Variants in NTSR1 observed in about 807,000 individuals in gnomAD.
NTSR1 encodes the protein neurotensin receptor 1.
NTSR1 carries 29 observed loss-of-function variants against 31.2 expected under a neutral mutation model. That is an observed-to-expected ratio of 0.93 (90% CI 0.69 to 1.27). The LOEUF is 1.27. Ranked by LOEUF, NTSR1 falls within the 50% of genes most tolerant of loss-of-function variation. NTSR1 has a pLI of 0.00. For missense variants in NTSR1, 697 were observed against 595.4 expected (o/e 1.17, Z -1.78); for synonymous variants, 282 against 269.9 (o/e 1.04, Z -0.44).
chr20:62,745,348 A>G lies in NTSR1; in HGVS notation c.715-9337A>G, dbSNP rs983552980. Among the ~76,000 whole-genome samples the G allele has an allele frequency of 1.3e-5, 2 of 152,044 alleles. No homozygotes were observed. The highest frequency in any genetic ancestry group is 2.9e-5 in the Non-Finnish European group (2 of 67,976). ...ACAGAGACAGAGATACAGAGACACA[A>G]GAAAACAGAGACAGAGATAGAGACA... On this transcript the variant is annotated intron_variant, in intron 1 of 3. Transcript: ENST00000370501. The surrounding 1 kb of genome is among the most constrained non-coding windows in gnomAD (Gnocchi z 4.1).
rs755405853 is a variant in NTSR1, at chr20:62,745,388, T to C, written c.715-9297T>C. Among the ~76,000 whole-genome samples the C allele has an allele frequency of 1.4e-5, 2 of 145,176 alleles. No homozygotes were observed. The highest frequency in any genetic ancestry group is 3.0e-5 in the Non-Finnish European group (2 of 66,342). On this transcript the variant is annotated intron_variant, in intron 1 of 3. Coordinates refer to ENST00000370501, the MANE Select transcript of NTSR1 (RefSeq NM_002531.3). The surrounding 1 kb of genome is among the most constrained non-coding windows in gnomAD (Gnocchi z 4.1). ...AGATAGAGACAGAGACACAGAGATA[T>C]AGAGATAGAGACACAGACTCAGGAA... is the stretch of plus-strand genomic sequence containing the variant.
At position 62,720,869 on chromosome 20, in the gene NTSR1, T is replaced by C. The variant is rs113754411; in HGVS notation, c.714+10948T>C. 3.1e-3 allele frequency among the ~76,000 whole-genome samples: 473 copies of C among 152,326 alleles called. 5 individuals are homozygous for C. The highest frequency in any genetic ancestry group is 0.011 in the African/African-American group (446 of 41,588). On this transcript the variant is annotated intron_variant, in intron 1 of 3. Coordinates refer to ENST00000370501, the MANE Select transcript of NTSR1 (RefSeq NM_002531.3). Reference sequence around the variant, plus strand: ...TTTAGATCAAAATTTTTTTATATCTTGAGATTCCCTCTTTAACCTTTGTGT... The same window carrying C: ...TTTAGATCAAAATTTTTTTATATCTCGAGATTCCCTCTTTAACCTTTGTGT...
rs1302084402 is a variant in NTSR1, at chr20:62,761,151, A to T, written c.*884A>T. ...ACCTGCCCGAGTGGCCGTGGCCAGG[A>T]TGGGGTGCGCATTCCGTGTGCTTTG... On this transcript the variant is annotated 3_prime_UTR_variant, in exon 4 of 4. Transcript: ENST00000370501. The T allele has an allele frequency of 6.6e-6, 1 of 152,198 alleles. No homozygotes were observed. The highest frequency in any genetic ancestry group is 1.9e-4 in the East Asian group (1 of 5,174). 9.4% of individuals were successfully genotyped at this position (152,198 alleles called of 1,614,324 possible).
At chr20:62,725,926 G>T (rs1046507893) in intron 1 of NTSR1, among the ~76,000 whole-genome samples, 1 of 152,034 alleles carries the variant, frequency 6.6e-6, no homozygotes, top group African/African-American at 2.4e-5. Flanking sequence ...GCTTGAGGGT[G>T]GGGGGACTCT....
chr20:62,737,263 G>A (rs1430021295), intron 1 of NTSR1, among the ~76,000 whole-genome samples: 1 of 151,950 alleles, frequency 6.6e-6, no homozygotes, highest in Admixed American at 6.5e-5. Flanking sequence ...TACTGCTATG[G>A]CTGTGTTGGC....
At chr20:62,757,757 T>G (rs1289927613) in intron 2 of NTSR1, among the ~76,000 whole-genome samples, 1 of 152,158 alleles carries the variant, frequency 6.6e-6, no homozygotes, top group East Asian at 1.9e-4. Context: ...AGCCCATGTC[T>G]CTGAGCCAGT....
Position 62,747,859 on chromosome 20 carries a change from A to G in NTSR1, c.715-6826A>G, listed in dbSNP as rs953692505. Among the ~76,000 whole-genome samples, 3 of 152,254 alleles carry G rather than the reference A, an allele frequency of 2.0e-5. No homozygotes were observed. The East Asian group carries it at 5.8e-4, about 29-fold the overall frequency. ...ATGAAAATAAGTTGTGTTTCTATAC[A>G]CTAGCAATGAATTATCCCAAAAAGA... On this transcript the variant is annotated intron_variant, in intron 1 of 3. Coordinates refer to ENST00000370501, the MANE Select transcript of NTSR1 (RefSeq NM_002531.3).
Position 62,758,485 on chromosome 20 carries a change from C to T in NTSR1, c.1007+129C>T, listed in dbSNP as rs533894573. ...GTGTGGTGAGTCCCCCGGCGACCCC[C>T]TGGGCAGGGTTGTGCTGTGACTGGG... On this transcript the variant is annotated intron_variant, in intron 3 of 3. Transcript: ENST00000370501. This position sits in a 1 kb window ranked among gnomAD's most constrained non-coding sequence, Gnocchi z 4.5. 6.2e-6 allele frequency: 5 copies of T among 806,024 alleles called. No homozygotes were observed. Among genetic ancestry groups the T allele is most frequent in the Non-Finnish European group, 1.0e-5 (5 of 494,050 alleles). The allele number at this position is 806,024 out of a possible 1,614,324, so 49.9% of individuals were successfully genotyped here.
intron 1 of NTSR1, among the ~76,000 whole-genome samples, chr20:62,752,382 C>T (rs1269565863): frequency 5.3e-5 from 8 of 150,592 alleles, no homozygotes; most frequent in African/African-American, 7.3e-5. Context: ...AAGAGAAGGC[C>T]GGCCCCAGGA....
In NTSR1 at chr20:62,709,207, C is replaced by A; in HGVS notation, c.-1C>A. ...CAGAGCCGCGGACTCCAGCGCCCAC[C>A]ATGCGCCTCAACAGCTCCGCGCCGG... On this transcript the variant is annotated 5_prime_UTR_variant, in exon 1 of 4. Transcript: ENST00000370501. 6.9e-7 allele frequency: 1 copy of A among 1,439,642 alleles called. No individual in the cohort carries two copies. Among genetic ancestry groups the A allele is most frequent in the Non-Finnish European group, 9.0e-7 (1 of 1,105,460 alleles). 89.2% of individuals were successfully genotyped at this position (1,439,642 alleles called of 1,614,324 possible). A position where few individuals can be genotyped will look rare whatever the true frequency, so the allele number is the denominator to read the frequency against.
At chr20:62,727,755 A>G (rs1338639935) in intron 1 of NTSR1, among the ~76,000 whole-genome samples, 6 of 152,176 alleles carry the variant, frequency 3.9e-5, no homozygotes. Flanking sequence ...GGATCAGCAA[A>G]TGGCCCCGGC....
chr20:62,735,888 T>A (rs1989082770), intron 1 of NTSR1, among the ~76,000 whole-genome samples: 1 of 152,184 alleles, frequency 6.6e-6, no homozygotes, highest in African/African-American at 2.4e-5. Flanking sequence ...CCAAGAACAG[T>A]TCCCCTTACC....
Position 62,709,032 on chromosome 20 carries a change from C to A in NTSR1, c.-176C>A. On this transcript the variant is annotated 5_prime_UTR_variant, in exon 1 of 4. Coordinates refer to ENST00000370501, the MANE Select transcript of NTSR1 (RefSeq NM_002531.3). ...GGAGAGCGGAGCCCGGAGCCCGGAG[C>A]CCGGGGCGGCGCGTCTGGGTCTGGC... The A allele has an allele frequency of 4.2e-6, 2 of 476,594 alleles. No homozygotes were observed. Among genetic ancestry groups the A allele is most frequent in the South Asian group, 9.1e-5 (2 of 21,868 alleles). The allele number at this position is 476,594 out of a possible 1,614,324, so 29.5% of individuals were successfully genotyped here.
At chr20:62,759,957 AC>A in intron 3 of NTSR1, 60 bp from the exon 4 acceptor site, 2 of 1,574,512 alleles carry the variant, frequency 1.3e-6, no homozygotes, top group Non-Finnish European at 1.7e-6. Flanking sequence ...CCCGGCTGTC[AC>A]CCTGCCTTGG....
chr20:62,709,240 G>A lies in NTSR1; in HGVS notation c.33G>A (p.Pro11=), dbSNP rs1318198320. The A allele has an allele frequency of 2.0e-6, 3 of 1,504,328 alleles. No individual in the cohort carries two copies. The highest frequency in any genetic ancestry group is 4.4e-5 in the Admixed American group (2 of 45,624). 93.2% of individuals were successfully genotyped at this position (1,504,328 alleles called of 1,614,324 possible). The change falls in exon 1 of 4, where the codon CCG becomes CCA. Residue 11 remains proline, a synonymous_variant. Transcript: ENST00000370501. MRLNSSAPGT[P]GTPAADPFQR... Reference sequence around the variant, plus strand: ...TCAACAGCTCCGCGCCGGGAACCCCGGGCACGCCGGCCGCCGACCCCTTCC... The same window carrying A: ...TCAACAGCTCCGCGCCGGGAACCCCAGGCACGCCGGCCGCCGACCCCTTCC...
chr20:62,738,023 A>ACCC (rs1989130291), intron 1 of NTSR1, among the ~76,000 whole-genome samples: 1 of 68,494 alleles, frequency 1.5e-5, no homozygotes, highest in Non-Finnish European at 2.4e-5. Context: ...CCTCCGCAAC[A>ACCC]GCCGCATCCC....
At chr20:62,747,818 G>C (rs1600732509) in intron 1 of NTSR1, among the ~76,000 whole-genome samples, 1 of 152,108 alleles carries the variant, frequency 6.6e-6, no homozygotes, top group Non-Finnish European at 1.5e-5. Flanking sequence ...AAAGTTGCAG[G>C]ACACAAAATT....
rs926013047 is a variant in NTSR1 at position 62,715,560 on chromosome 20, T to C, written c.714+5639T>C. Among the ~76,000 whole-genome samples the C allele has an allele frequency of 2.6e-5, 4 of 151,768 alleles. No individual in the cohort carries two copies. Among genetic ancestry groups the C allele is most frequent in the Non-Finnish European group, 5.9e-5 (4 of 67,880 alleles). On this transcript the variant is annotated intron_variant, in intron 1 of 3. Coordinates refer to ENST00000370501, the MANE Select transcript of NTSR1 (RefSeq NM_002531.3). This position sits in a 1 kb window ranked among gnomAD's most constrained non-coding sequence, Gnocchi z 4.7. ...TGGCTGGCTCTGACTGGGCTTGGAGTCCTCGAGAGTGACTTGGCCCAGAGT... is the reference window on the plus strand; with the variant it reads ...TGGCTGGCTCTGACTGGGCTTGGAGCCCTCGAGAGTGACTTGGCCCAGAGT...
chr20:62,760,340 C>A lies in NTSR1; in HGVS notation c.*73C>A. 6.6e-7 allele frequency: 1 copy of A among 1,515,488 alleles called. No individual in the cohort carries two copies. 93.9% of individuals were successfully genotyped at this position (1,515,488 alleles called of 1,614,324 possible). Reference sequence around the variant, plus strand: ...TGCCCCCGACAGACAGAGCAGCCCCCACCCGGGAGCCTTGATGGGGGTCAG... The same window carrying A: ...TGCCCCCGACAGACAGAGCAGCCCCAACCCGGGAGCCTTGATGGGGGTCAG... On this transcript the variant is annotated 3_prime_UTR_variant, in exon 4 of 4. Transcript: ENST00000370501.
Sources: gnomAD v4.1 joint callset for allele counts (sites outside exome capture counted in the v4.1 genomes callset) on GRCh38, gnomAD v4.1.1 for gene constraint, Gnocchi (gnomAD v3.1) non-coding constraint, MANE v1.5 for transcripts, NCBI Gene and HGNC (gene_info 2026-07-23, HGNC 2026-07-21) for gene names.